The following GABRA2 variants were observed in gnomAD, a reference collection of about 807,000 sequenced individuals.
GABRA2 encodes gamma-aminobutyric acid receptor subunit alpha-2.
Under a neutral mutation model 48.7 loss-of-function variants are expected in GABRA2, and 16 were observed. That is an observed-to-expected ratio of 0.33 (90% CI 0.22 to 0.50). The LOEUF (loss-of-function observed/expected upper bound fraction) is 0.50. GABRA2 is among the 20% of genes least tolerant of loss of function. The pLI is 0.98. For synonymous variants in GABRA2, 185 were observed against 184.5 expected, an observed-to-expected ratio of 1.00 and a Z score of -0.02; for missense variants, 275 against 535.6, an observed-to-expected ratio of 0.51 and a Z score of 4.80.
chr4:46,293,796 C>G (rs1724127722), intron 8 of GABRA2, among the ~76,000 whole-genome samples: 1 of 152,160 alleles, frequency 6.6e-6, no homozygotes, highest in Non-Finnish European at 1.5e-5. Context: ...GTGCCACCAT[C>G]AAGGACTTGA....
intron 6 of GABRA2, among the ~76,000 whole-genome samples, chr4:46,309,424 A>C (rs535098579): frequency 6.6e-6 from 1 of 152,162 alleles, no homozygotes; most frequent in South Asian, 2.1e-4. Context: ...ACAGTCTCTA[A>C]AAAGGTCAGG....
chr4:46,350,966 G>A (rs1004244932), intron 3 of GABRA2, among the ~76,000 whole-genome samples: 3 of 151,710 alleles, frequency 2.0e-5, no homozygotes. Flanking sequence ...CTCAAAGCTG[G>A]GGAGCCAGAG....
intron 8 of GABRA2, 102 bp from the exon 9 acceptor site, chr4:46,262,230 C>T (rs1717120426): frequency 2.9e-6 from 2 of 681,278 alleles, no homozygotes; most frequent in African/African-American, 3.6e-5. Flanking sequence ...GCTTTTACTA[C>T]TCTTATCCAC....
At chr4:46,305,416 A>AG (rs1304751541) in intron 7 of GABRA2, 152 bp downstream of exon 7, 23 of 584,110 alleles carry the variant, frequency 3.9e-5, no homozygotes, top group African/African-American at 3.5e-4. Context: ...AGTATAATTA[A>AG]AAAAAAAAAA....
chr4:46,344,130 C>T (rs551409709), intron 3 of GABRA2, among the ~76,000 whole-genome samples: 81 of 151,790 alleles, frequency 5.3e-4, no homozygotes, highest in Non-Finnish European at 9.9e-4. Flanking sequence ...TAAAAAAGGA[C>T]GCAGTCCCAA....
At chr4:46,308,635 C>T (rs1727108842) in intron 6 of GABRA2, among the ~76,000 whole-genome samples, 2 of 152,128 alleles carry the variant, frequency 1.3e-5, no homozygotes. Flanking sequence ...AAAATTAGTG[C>T]TAATTACTTA....
chr4:46,381,988 G>C (rs552628432), intron 3 of GABRA2, among the ~76,000 whole-genome samples: 1 of 152,102 alleles, frequency 6.6e-6, no homozygotes, highest in African/African-American at 2.4e-5. Context: ...AAAATGGAAA[G>C]TCATTCAAGA....
chr4:46,389,785 A>G lies in GABRA2; in HGVS notation c.-61T>C. ...TTTTCTTCCTTTTGCCCTGATCTTG[A>G]CGAGATAGGAAACTTGGGAGAGAGA... On this transcript the variant is annotated 5_prime_UTR_variant, in exon 1 of 10. Coordinates refer to ENST00000381620, the MANE Select transcript of GABRA2 (RefSeq NM_000807.4). The G allele has an allele frequency of 1.1e-6, 1 of 931,512 alleles. No individual in the cohort carries two copies. Among genetic ancestry groups the G allele is most frequent in the Non-Finnish European group, 1.3e-6 (1 of 799,938 alleles). The allele number at this position is 931,512 out of a possible 1,614,324, so 57.7% of individuals were successfully genotyped here.
chr4:46,374,675 A>G (rs73812858), intron 3 of GABRA2, among the ~76,000 whole-genome samples: 1 of 152,212 alleles, frequency 6.6e-6, no homozygotes, highest in African/African-American at 2.4e-5. Context: ...TCCACCAAAC[A>G]TTTGAAAATA....
At chr4:46,288,808 C>G (rs890955581) in intron 8 of GABRA2, among the ~76,000 whole-genome samples, 1 of 151,924 alleles carries the variant, frequency 6.6e-6, no homozygotes, top group East Asian at 1.9e-4. Context: ...TTTTTGCAAA[C>G]TATGCATCTG....
chr4:46,324,187 A>G (rs1355799690), intron 4 of GABRA2, among the ~76,000 whole-genome samples: 1 of 151,992 alleles, frequency 6.6e-6, no homozygotes, highest in Non-Finnish European at 1.5e-5. Flanking sequence ...TGACATATTT[A>G]AAAACCTTTT....
intron 3 of GABRA2, among the ~76,000 whole-genome samples, chr4:46,375,987 G>A (rs1291839811): frequency 6.6e-6 from 1 of 152,156 alleles, no homozygotes; most frequent in African/African-American, 2.4e-5. Flanking sequence ...TCAATAGAAT[G>A]TTCTTATAAT....
intron 3 of GABRA2, among the ~76,000 whole-genome samples, chr4:46,375,023 A>C (rs984378393): frequency 2.6e-5 from 4 of 152,098 alleles, no homozygotes; most frequent in African/African-American, 7.2e-5. Flanking sequence ...AATAAACAAC[A>C]AGGAATATAG....
chr4:46,330,591 T>TATATATATAGAGAGAGAGAGAG (rs1411755120), intron 4 of GABRA2, among the ~76,000 whole-genome samples: 19 of 122,686 alleles, frequency 1.5e-4, no homozygotes, highest in East Asian at 6.2e-4. Context: ...TATATATATA[T>TATATATATAGAGAGAGAGAGAG]AGAGAGAGAG....
intron 7 of GABRA2, among the ~76,000 whole-genome samples, chr4:46,303,978 G>C (rs184182853): frequency 6.6e-6 from 1 of 151,842 alleles, no homozygotes; most frequent in Non-Finnish European, 1.5e-5. Context: ...GCTCTAATGA[G>C]CATCTCCTTT....
At chr4:46,387,465 T>C (rs1053281684) in intron 2 of GABRA2, among the ~76,000 whole-genome samples, 1 of 152,166 alleles carries the variant, frequency 6.6e-6, no homozygotes, top group African/African-American at 2.4e-5. Flanking sequence ...GAGAAAATAT[T>C]AAAGTATTCA....
intron 4 of GABRA2, among the ~76,000 whole-genome samples, chr4:46,317,815 A>G (rs1728792205): frequency 6.6e-6 from 1 of 151,832 alleles, no homozygotes; most frequent in Admixed American, 6.6e-5. Flanking sequence ...ATTATCAGTG[A>G]GGCTATTTAA....
intron 3 of GABRA2, chr4:46,364,862 C>T (rs1713797034): frequency 6.6e-6 from 1 of 152,168 alleles, no homozygotes; most frequent in African/African-American, 2.4e-5. Flanking sequence ...AAATCACAGT[C>T]ACAGTCACAG....
Position 46,246,027 on chromosome 4 carries a change from G to A in GABRA2, c.*4281C>T, listed in dbSNP as rs1047419263. The stretch of plus-strand genomic sequence containing the variant: ...TTATGATATATAATATTTATAAGTA[G>A]ATATTGAATAATTTACCTTCCCAAA... On this transcript the variant is annotated 3_prime_UTR_variant, in exon 10 of 10. Transcript: ENST00000381620. 2.0e-5 allele frequency among the ~76,000 whole-genome samples: 3 copies of A among 150,960 alleles called. No homozygotes were observed. Among genetic ancestry groups the A allele is most frequent in the Non-Finnish European group, 4.5e-5 (3 of 67,354 alleles).
Sources: gnomAD v4.1 joint callset for allele counts (sites outside exome capture counted in the v4.1 genomes callset) on GRCh38, gnomAD v4.1.1 for gene constraint, MANE v1.5 for transcripts, NCBI Gene and HGNC (gene_info 2026-07-23, HGNC 2026-07-21) for gene names.